Variants in STX8 observed in about 807,000 individuals in gnomAD.
The protein encoded by STX8 is syntaxin-8.
STX8 carries 23 observed loss-of-function variants against 37.5 expected under a neutral mutation model. That is an observed-to-expected ratio of 0.61 (90% CI 0.44 to 0.87). STX8 has a LOEUF of 0.87. Among genes scored for constraint, STX8 ranks in the 40% least tolerant of loss-of-function variants. The probability of loss-of-function intolerance (pLI) is 0.00; values close to 1 mark genes in which losing one functional copy is unlikely to be tolerated. For synonymous variants in STX8, 115 were observed against 99.1 expected (o/e 1.16, Z -0.95); for missense variants, 313 against 284.7 (o/e 1.10, Z -0.71).
intron 6 of STX8, among the ~76,000 whole-genome samples, chr17:9,472,187 G>C (rs1597694102): frequency 6.6e-6 from 1 of 151,794 alleles, no homozygotes; most frequent in South Asian, 2.1e-4. Context: ...TCTGGCCCCA[G>C]AGCCAGAGTG....
At chr17:9,474,744 G>A (rs556466581) in intron 6 of STX8, among the ~76,000 whole-genome samples, 28 of 152,298 alleles carry the variant, frequency 1.8e-4, no homozygotes, top group Admixed American at 3.3e-4. Context: ...AGGCTGAAGC[G>A]GGCAGATCAT....
intron 7 of STX8, among the ~76,000 whole-genome samples, chr17:9,354,033 T>C (rs1910797446): frequency 6.6e-6 from 1 of 152,190 alleles, no homozygotes; most frequent in African/African-American, 2.4e-5. Context: ...CTTCTGTTAC[T>C]TATCTCCACA....
chr17:9,360,193 G>A (rs1156575950), intron 7 of STX8, among the ~76,000 whole-genome samples: 2 of 145,184 alleles, frequency 1.4e-5, no homozygotes, highest in Non-Finnish European at 3.0e-5. Flanking sequence ...ACTTTCTATT[G>A]TGGGCAAAAT....
chr17:9,561,753 T>C (rs1046247285), intron 2 of STX8, among the ~76,000 whole-genome samples: 2 of 151,442 alleles, frequency 1.3e-5, no homozygotes, highest in Non-Finnish European at 2.9e-5. Context: ...TTTTACCTAG[T>C]AGAGATTTTT....
At chr17:9,282,558 G>A (rs1018544719) in intron 7 of STX8, among the ~76,000 whole-genome samples, 1 of 152,210 alleles carries the variant, frequency 6.6e-6, no homozygotes, top group Non-Finnish European at 1.5e-5. Context: ...AGAAAGGCAC[G>A]CAGTTGGTGC....
chr17:9,371,471 T>A (rs1411418345), intron 7 of STX8, among the ~76,000 whole-genome samples: 2 of 152,216 alleles, frequency 1.3e-5, no homozygotes, highest in African/African-American at 4.8e-5. Context: ...ACAGCCAATG[T>A]GGCTTTGCAC....
chr17:9,253,309 G>C (rs1906663846), intron 7 of STX8, among the ~76,000 whole-genome samples: 1 of 152,012 alleles, frequency 6.6e-6, no homozygotes, highest in South Asian at 2.1e-4. Flanking sequence ...GCGTATGTGT[G>C]TGTATGTGAG....
chr17:9,406,077 C>T (rs373221221), intron 6 of STX8, among the ~76,000 whole-genome samples: 7 of 152,194 alleles, frequency 4.6e-5, no homozygotes, highest in Non-Finnish European at 8.8e-5. Context: ...GCTGCAGTGA[C>T]GGCTTCATGT....
At chr17:9,281,499 A>G (rs1282799992) in intron 7 of STX8, among the ~76,000 whole-genome samples, 1 of 151,792 alleles carries the variant, frequency 6.6e-6, no homozygotes, top group Non-Finnish European at 1.5e-5. Flanking sequence ...GTTTTCTTCC[A>G]CTGGGATTAC....
At chr17:9,410,383 T>C (rs968123047) in intron 6 of STX8, among the ~76,000 whole-genome samples, 1 of 152,258 alleles carries the variant, frequency 6.6e-6, no homozygotes. Flanking sequence ...ACATTCATTA[T>C]CTAATAGAGC....
chr17:9,544,503 TA>T (rs372601485), intron 4 of STX8, among the ~76,000 whole-genome samples: 21 of 144,192 alleles, frequency 1.5e-4, no homozygotes, highest in East Asian at 4.0e-4. Context: ...ATATGCCAAT[TA>T]AAAAAAAAAA....
Position 9,374,238 on chromosome 17 carries a change from C to T in STX8, c.643+4314G>A, listed in dbSNP as rs147078722. Among the ~76,000 whole-genome samples the T allele has an allele frequency of 2.6e-4, 40 of 152,092 alleles. No individual in the cohort carries two copies. In the East Asian group the frequency reaches 5.5e-3, roughly 21 times the overall value. On this transcript the variant is annotated intron_variant, in intron 7 of 7. Coordinates refer to ENST00000306357, the MANE Select transcript of STX8 (RefSeq NM_004853.3). The stretch of plus-strand genomic sequence containing the variant: ...CTGGGACTACAGGCGTGTACCACCA[C>T]GCCTGGCTAATTTTTGTATTTGTAG...
chr17:9,423,482 T>C (rs199840901), intron 6 of STX8, among the ~76,000 whole-genome samples: 1 of 152,120 alleles, frequency 6.6e-6, no homozygotes, highest in African/African-American at 2.4e-5. Flanking sequence ...TGCGCCACCA[T>C]GCCCAGCTAA....
chr17:9,470,390 T>C (rs1567574614), intron 6 of STX8, among the ~76,000 whole-genome samples: 1 of 152,222 alleles, frequency 6.6e-6, no homozygotes, highest in Non-Finnish European at 1.5e-5. Flanking sequence ...GCTTTGGTTT[T>C]TATTACCAAA....
At chr17:9,395,799 C>G (rs1428329487) in intron 6 of STX8, among the ~76,000 whole-genome samples, 1 of 152,100 alleles carries the variant, frequency 6.6e-6, no homozygotes, top group African/African-American at 2.4e-5. Context: ...GACAATTATA[C>G]CCAGAAGTTC....
At chr17:9,522,578 G>A (rs548021274) in intron 4 of STX8, among the ~76,000 whole-genome samples, 25 of 151,730 alleles carry the variant, frequency 1.6e-4, no homozygotes, top group African/African-American at 5.3e-4. Flanking sequence ...CTGGGCATGT[G>A]GCGGGTGCCT....
intron 6 of STX8, among the ~76,000 whole-genome samples, chr17:9,449,736 T>C (rs1428374528): frequency 2.0e-5 from 3 of 152,052 alleles, no homozygotes; most frequent in Non-Finnish European, 2.9e-5. Context: ...TCTATTTATA[T>C]TCCATTTTGG....
At chr17:9,379,374 C>T (rs1911714118) in intron 6 of STX8, among the ~76,000 whole-genome samples, 1 of 151,672 alleles carries the variant, frequency 6.6e-6, no homozygotes, top group South Asian at 2.1e-4. Context: ...ATGGAGAGAA[C>T]CAAATCCATT....
At position 9,345,835 on chromosome 17, in the gene STX8, G is replaced by A. The variant is rs113153311; in HGVS notation, c.643+32717C>T. Among the ~76,000 whole-genome samples the A allele has an allele frequency of 5.9e-5, 6 of 101,792 alleles. 1 individual carries two copies. The highest frequency in any genetic ancestry group is 1.7e-4 in the African/African-American group (5 of 29,494). 66.8% of individuals were successfully genotyped at this position (101,792 alleles called of 152,430 possible). A position where few individuals can be genotyped will look rare whatever the true frequency, so the allele number is the denominator to read the frequency against. On this transcript the variant is annotated intron_variant, in intron 7 of 7. Transcript: ENST00000306357. ...ATTGGAATATTTGCATTATACCTCC[G>A]GGTTATGCATTCCTTTTTTTTTTTT...
Sources: allele counts gnomAD v4.1 joint callset (sites outside exome capture counted in the v4.1 genomes callset), GRCh38; gene constraint gnomAD v4.1.1; transcripts MANE v1.5; gene names NCBI Gene and HGNC (gene_info 2026-07-23, HGNC 2026-07-21).